Variants in SPAG9 observed in about 807,000 individuals in gnomAD.
SPAG9 encodes sperm associated antigen 9, also known as C-Jun-amino-terminal kinase-interacting protein 4.
A neutral mutation model predicts 166.5 loss-of-function variants in SPAG9; 35 were observed. The ratio of observed to expected loss-of-function variants is 0.21; its 90% CI spans 0.16 to 0.28. The LOEUF (loss-of-function observed/expected upper bound fraction) is 0.28. Among genes scored for constraint, SPAG9 ranks in the 10% least tolerant of loss-of-function variants. The probability of loss-of-function intolerance (pLI) is 1.00; values close to 1 mark genes in which losing one functional copy is unlikely to be tolerated. For synonymous variants in SPAG9, 534 were observed against 565.5 expected (o/e 0.94, Z 0.79); for missense variants, 1,235 against 1,603.3 (o/e 0.77, Z 3.92).
rs553599490 is a variant in SPAG9, at chr17:51,104,262, T to C, written c.303+16092A>G. Among the ~76,000 whole-genome samples, 237 of 152,190 alleles carry C rather than the reference T, an allele frequency of 1.6e-3. 1 individual carries two copies. The highest frequency in any genetic ancestry group is 3.0e-3 in the Non-Finnish European group (201 of 68,036). ...GCCTTAAAGTAGGCTATCAGTTCCA[T>C]GAGAGAAGGACCTTGTCTGTTTTAC... On this transcript the variant is annotated intron_variant, in intron 1 of 29. Coordinates refer to ENST00000262013, the MANE Select transcript of SPAG9 (RefSeq NM_001130528.3).
At chr17:51,029,776 A>G (rs1598037391) in intron 6 of SPAG9, among the ~76,000 whole-genome samples, 1 of 152,342 alleles carries the variant, frequency 6.6e-6, no homozygotes, top group Middle Eastern at 3.4e-3. Context: ...GTTGGAAAGG[A>G]AGTTATTATT....
intron 5 of SPAG9, among the ~76,000 whole-genome samples, chr17:51,035,611 C>T (rs2046556285): frequency 6.6e-6 from 1 of 152,176 alleles, no homozygotes. Flanking sequence ...GTTCTGCATG[C>T]TAAGCACATC....
At chr17:51,020,099 T>G (rs929686675) in intron 8 of SPAG9, 60 bp downstream of exon 8, 1 of 920,862 alleles carries the variant, frequency 1.1e-6, no homozygotes, top group Non-Finnish European at 1.8e-6. Flanking sequence ...TGGAGAACAG[T>G]GTTTATGGGA....
intron 5 of SPAG9, among the ~76,000 whole-genome samples, chr17:51,034,598 C>T (rs1254117548): frequency 6.6e-6 from 1 of 152,134 alleles, no homozygotes; most frequent in Admixed American, 6.6e-5. Context: ...GTATATATCC[C>T]TTGAATTCAA....
At chr17:51,047,340 C>A in intron 4 of SPAG9, 35 bp downstream of exon 4, 1 of 1,170,982 alleles carries the variant, frequency 8.5e-7, no homozygotes, top group Non-Finnish European at 1.2e-6. Context: ...ATTTATTTTA[C>A]TTTTTCTCAA....
At chr17:50,968,921 ACCTTT>A (rs988061155) in intron 29 of SPAG9, among the ~76,000 whole-genome samples, 6 of 151,324 alleles carry the variant, frequency 4.0e-5, no homozygotes, top group Admixed American at 2.0e-4. Context: ...CTATCCTGGA[ACCTTT>A]CCTTTTTCTT....
intron 4 of SPAG9, among the ~76,000 whole-genome samples, chr17:51,043,239 G>A (rs955644771): frequency 8.5e-5 from 13 of 152,144 alleles, no homozygotes; most frequent in East Asian, 5.8e-4. Context: ...ATGAGCTGCC[G>A]GGACAACCAA....
intron 13 of SPAG9, 151 bp downstream of exon 13, chr17:51,001,564 T>C: frequency 1.5e-6 from 1 of 684,448 alleles, no homozygotes; most frequent in Non-Finnish European, 2.3e-6. Flanking sequence ...CACATTCTGT[T>C]GCTAATTCTG....
At chr17:51,085,743 C>A (rs2048287685) in intron 1 of SPAG9, among the ~76,000 whole-genome samples, 1 of 152,058 alleles carries the variant, frequency 6.6e-6, no homozygotes, top group Admixed American at 6.6e-5. Context: ...CTTTCTTGTT[C>A]TAAGTAGATC....
chr17:50,974,579 G>C (rs1458324014), intron 28 of SPAG9, among the ~76,000 whole-genome samples, 192 bp downstream of exon 28: 2 of 152,134 alleles, frequency 1.3e-5, no homozygotes, highest in Non-Finnish European at 2.9e-5. Flanking sequence ...GGGTGGGAGA[G>C]ATATTCCAAA....
At chr17:51,028,171 CATT>C (rs1473481524) in intron 6 of SPAG9, among the ~76,000 whole-genome samples, 3 of 150,636 alleles carry the variant, frequency 2.0e-5, no homozygotes, top group Non-Finnish European at 3.0e-5. Context: ...TTAAGCTAAA[CATT>C]ATTACAAAAA....
At chr17:51,021,012 A>C (rs2045918074) in intron 7 of SPAG9, 146 bp downstream of exon 7, 1 of 681,168 alleles carries the variant, frequency 1.5e-6, no homozygotes, top group African/African-American at 1.8e-5. Flanking sequence ...CTACAGATGC[A>C]GAACCACAGA....
intron 1 of SPAG9, among the ~76,000 whole-genome samples, chr17:51,117,708 CAAAAAAAAAAA>C (rs397856959): frequency 2.4e-5 from 1 of 41,726 alleles, no homozygotes; most frequent in Admixed American, 3.3e-4. Flanking sequence ...GACTCCGTCT[CAAAAAAAAAAA>C]AAAAAAAAAA....
intron 4 of SPAG9, among the ~76,000 whole-genome samples, chr17:51,046,092 A>C (rs1241548064): frequency 6.6e-6 from 1 of 152,208 alleles, no homozygotes; most frequent in Non-Finnish European, 1.5e-5. Context: ...AATTAAAACA[A>C]AATAAGCTTA....
At chr17:50,984,488 C>T (rs1386380655) in intron 24 of SPAG9, among the ~76,000 whole-genome samples, 1 of 152,096 alleles carries the variant, frequency 6.6e-6, no homozygotes, top group East Asian at 1.9e-4. Context: ...AGATCGAGAC[C>T]ATCCTGGCTA....
At chr17:51,035,459 A>G (rs935451308) in intron 5 of SPAG9, among the ~76,000 whole-genome samples, 1 of 152,246 alleles carries the variant, frequency 6.6e-6, no homozygotes, top group African/African-American at 2.4e-5. Context: ...AATTGCAAAT[A>G]ACAATAGATA....
At chr17:50,982,279 C>A (rs188029919) in intron 25 of SPAG9, among the ~76,000 whole-genome samples, 140 of 152,296 alleles carry the variant, frequency 9.2e-4, no homozygotes, top group Non-Finnish European at 1.5e-4. Context: ...TACACAGACA[C>A]ACATTTAAAC....
intron 8 of SPAG9, among the ~76,000 whole-genome samples, chr17:51,017,863 G>C (rs867924978): frequency 6.6e-6 from 1 of 152,002 alleles, no homozygotes. Context: ...TCCAAGACAG[G>C]ATTTGAACCC....
Position 50,966,052 on chromosome 17 carries a change from T to C in SPAG9, c.*220A>G. On this transcript the variant is annotated 3_prime_UTR_variant, in exon 30 of 30. Coordinates refer to ENST00000262013, the MANE Select transcript of SPAG9 (RefSeq NM_001130528.3). ...AAGTAAACATTCTTTGATTTGTTCA[T>C]AATATACTGAAGTTACCTATAACAC... is the stretch of plus-strand genomic sequence containing the variant. The C allele has an allele frequency of 2.0e-6, 1 of 499,076 alleles. No homozygotes were observed. The allele number at this position is 499,076 out of a possible 1,614,324, so 30.9% of individuals were successfully genotyped here.
Sources: allele counts gnomAD v4.1 joint callset (sites outside exome capture counted in the v4.1 genomes callset), GRCh38; gene constraint gnomAD v4.1.1; transcripts MANE v1.5; gene names NCBI Gene and HGNC (gene_info 2026-07-23, HGNC 2026-07-21).